KHDRBS2: variants seen among roughly 807,000 people sequenced by gnomAD.
The protein encoded by KHDRBS2 is KH domain-containing, RNA-binding, signal transduction-associated protein 2.
KHDRBS2 carries 26 observed loss-of-function variants against 44.3 expected under a neutral mutation model. That is an observed-to-expected ratio of 0.59 (90% CI 0.43 to 0.81). KHDRBS2 has a LOEUF of 0.81. Ranked by LOEUF, KHDRBS2 falls within the 40% of genes least tolerant of loss-of-function variation. The probability of loss-of-function intolerance (pLI) is 0.00; values close to 1 mark genes in which losing one functional copy is unlikely to be tolerated. For synonymous variants in KHDRBS2, 194 were observed against 151.1 expected (o/e 1.28, Z -2.08); for missense variants, 476 against 433.1 (o/e 1.10, Z -0.88).
chr6:61,671,540 T>C, the KHDRBS2 span, among the ~76,000 whole-genome samples: 1 of 151,724 alleles, frequency 6.6e-6, no homozygotes, highest in South Asian at 2.1e-4. Flanking sequence ...ACTGTAAATA[T>C]TCTTTTGAAT....
the KHDRBS2 span, among the ~76,000 whole-genome samples, chr6:61,674,325 A>G: frequency 6.6e-6 from 1 of 151,792 alleles, no homozygotes; most frequent in Non-Finnish European, 1.5e-5. Context: ...GCTACCTGGA[A>G]TTCTGTCTCC....
intron 4 of KHDRBS2, among the ~76,000 whole-genome samples, chr6:61,928,599 C>T (rs1378998121): frequency 3.9e-5 from 6 of 152,096 alleles, no homozygotes; most frequent in South Asian, 2.1e-4. Flanking sequence ...CATTTTTCTG[C>T]ATATTTTAAG....
At chr6:61,649,704 C>A in the KHDRBS2 span, among the ~76,000 whole-genome samples, 1 of 152,020 alleles carries the variant, frequency 6.6e-6, no homozygotes, top group African/African-American at 2.4e-5. Flanking sequence ...CAATCCAAAC[C>A]ATCACAAAAT....
intron 6 of KHDRBS2, among the ~76,000 whole-genome samples, chr6:61,753,769 C>G (rs1465540507): frequency 1.3e-5 from 2 of 152,048 alleles, no homozygotes; most frequent in African/African-American, 4.8e-5. Flanking sequence ...TGTCCACATC[C>G]CCATCCCAGG....
chr6:61,771,362 A>C (rs1780871239), intron 6 of KHDRBS2, among the ~76,000 whole-genome samples: 1 of 152,202 alleles, frequency 6.6e-6, no homozygotes, highest in South Asian at 2.1e-4. Context: ...TAAATGGGCT[A>C]AATGCTCCAA....
intron 6 of KHDRBS2, among the ~76,000 whole-genome samples, chr6:61,848,565 A>ATATATATACATATATATATGTG (rs1554236923): frequency 2.0e-5 from 1 of 49,506 alleles, no homozygotes; most frequent in Non-Finnish European, 3.7e-5. Flanking sequence ...ATATATATGT[A>ATATATATACATATATATATGTG]TATATATATA....
At chr6:61,563,358 T>C in the KHDRBS2 span, among the ~76,000 whole-genome samples, 5 of 152,222 alleles carry the variant, frequency 3.3e-5, no homozygotes, top group Admixed American at 2.6e-4. Context: ...TGAAATCACA[T>C]CTTATCTATA....
chr6:62,213,414 G>A (rs1056867125), intron 1 of KHDRBS2, among the ~76,000 whole-genome samples: 2 of 152,032 alleles, frequency 1.3e-5, no homozygotes, highest in African/African-American at 4.8e-5. Flanking sequence ...CAGCAGAGGG[G>A]GGATCATGAA....
At chr6:61,660,418 C>T in the KHDRBS2 span, among the ~76,000 whole-genome samples, 57 of 151,706 alleles carry the variant, frequency 3.8e-4, no homozygotes, top group Admixed American at 4.6e-4. Flanking sequence ...AATGTACTTT[C>T]ATTAAAAAAA....
intron 2 of KHDRBS2, among the ~76,000 whole-genome samples, chr6:62,130,012 AACT>A (rs1231830206): frequency 2.1e-4 from 32 of 152,318 alleles, no homozygotes; most frequent in African/African-American, 7.7e-4. Context: ...ATTTGTGCAT[AACT>A]ACTAATTCCA....
rs1340165192 is a variant in KHDRBS2, at chr6:62,204,552, G to A, written c.92-27240C>T. On this transcript the variant is annotated intron_variant, in intron 1 of 8. Transcript: ENST00000281156. ...AGTGAGCGTTCTCTTTAAGCACCACGTCAGCACTCAAAAAGTAACCTATTT... is the reference window on the plus strand; with the variant it reads ...AGTGAGCGTTCTCTTTAAGCACCACATCAGCACTCAAAAAGTAACCTATTT... Among the ~76,000 whole-genome samples the A allele has an allele frequency of 7.2e-5, 11 of 152,198 alleles. 1 individual carries two copies. The highest frequency in any genetic ancestry group is 4.1e-4 in the South Asian group (2 of 4,824).
intron 6 of KHDRBS2, among the ~76,000 whole-genome samples, chr6:61,861,546 G>A (rs1288878530): frequency 3.3e-5 from 5 of 151,722 alleles, no homozygotes; most frequent in Non-Finnish European, 7.4e-5. Flanking sequence ...TTATTTCTGC[G>A]TTCTCTATTC....
At chr6:62,093,886 GTGTGTGTA>G (rs751394437) in intron 2 of KHDRBS2, among the ~76,000 whole-genome samples, 130 of 149,392 alleles carry the variant, frequency 8.7e-4, no homozygotes, top group African/African-American at 2.6e-3. Flanking sequence ...GTGTGTGTGT[GTGTGTGTA>G]TATCACATTT....
At chr6:62,272,699 A>G (rs933300487) in intron 1 of KHDRBS2, among the ~76,000 whole-genome samples, 10 of 152,338 alleles carry the variant, frequency 6.6e-5, no homozygotes, top group African/African-American at 2.4e-4. Flanking sequence ...GAATTGTCAA[A>G]GGAGAAAGCA....
chr6:61,551,373 G>A, the KHDRBS2 span, among the ~76,000 whole-genome samples: 29,055 of 151,944 alleles, frequency 0.19, 2,908 homozygotes, highest in African/African-American at 0.23. Flanking sequence ...AGTTTAATTA[G>A]GTCCCATTTG....
At position 62,106,657 on chromosome 6, in the gene KHDRBS2, C is replaced by T. The variant is rs113660686; in HGVS notation, c.220-58663G>A. ...AAAGCCGGGCAGAGACATTTTAGAC[C>T]AATATCCTTGATGAACATTGATGCA... On this transcript the variant is annotated intron_variant, in intron 2 of 8. Coordinates refer to ENST00000281156, the MANE Select transcript of KHDRBS2 (RefSeq NM_152688.4). Among the ~76,000 whole-genome samples the T allele has an allele frequency of 5.9e-5, 9 of 152,068 alleles. 1 individual carries two copies. The highest frequency in any genetic ancestry group is 3.3e-4 in the Admixed American group (5 of 15,272).
chr6:61,626,998 A>G, the KHDRBS2 span, among the ~76,000 whole-genome samples: 2 of 152,064 alleles, frequency 1.3e-5, no homozygotes, highest in African/African-American at 2.4e-5. Context: ...TCACGCCTGT[A>G]ATCCCAGCAC....
the KHDRBS2 span, among the ~76,000 whole-genome samples, chr6:61,587,882 A>T: frequency 6.7e-6 from 1 of 148,172 alleles, no homozygotes; most frequent in Non-Finnish European, 1.5e-5. Flanking sequence ...CTATCTAATT[A>T]TAGATGCTTA....
chr6:62,182,271 T>C (rs947179816), intron 1 of KHDRBS2, among the ~76,000 whole-genome samples: 1 of 151,980 alleles, frequency 6.6e-6, no homozygotes, highest in Non-Finnish European at 1.5e-5. Context: ...GTCAAACTCA[T>C]AGAAGCAAGA....
Sources: gnomAD v4.1 joint callset for allele counts (sites outside exome capture counted in the v4.1 genomes callset) on GRCh38, gnomAD v4.1.1 for gene constraint, MANE v1.5 for transcripts, NCBI Gene and HGNC (gene_info 2026-07-23, HGNC 2026-07-21) for gene names.